SEMA6D: variants seen among roughly 807,000 people sequenced by gnomAD.
SEMA6D encodes the protein semaphorin-6D.
SEMA6D carries 35 observed loss-of-function variants against 106.6 expected under a neutral mutation model. The observed-to-expected ratio is 0.33, with a 90% CI of 0.25 to 0.44. The LOEUF (loss-of-function observed/expected upper bound fraction) is 0.44, where lower values mean the gene tolerates loss of function less well. SEMA6D is among the 20% of genes least tolerant of loss of function. The pLI is 1.00. For synonymous variants in SEMA6D, 499 were observed against 487.7 expected (o/e 1.02, Z -0.31); for missense variants, 1,185 against 1,345.9 (o/e 0.88, Z 1.87).
chr15:47,279,413 A>C (rs1595617134), intron 1 of SEMA6D, among the ~76,000 whole-genome samples: 1 of 143,204 alleles, frequency 7.0e-6, no homozygotes. Context: ...TTATCAGCTT[A>C]AGGAGATTTT....
intron 4 of SEMA6D, among the ~76,000 whole-genome samples, chr15:47,688,882 G>A (rs2078526688): frequency 1.3e-5 from 2 of 152,154 alleles, no homozygotes; most frequent in South Asian, 4.1e-4. Context: ...TTGGTTGGAT[G>A]AAAGGACTGT....
intron 1 of SEMA6D, among the ~76,000 whole-genome samples, chr15:47,269,372 A>G (rs78945642): frequency 0.017 from 2,593 of 152,158 alleles, 48 homozygotes; most frequent in African/African-American, 0.02. Context: ...CATTAAAAAA[A>G]AAAGAATTAT....
chr15:47,221,178 A>T (rs970656265), intron 1 of SEMA6D, among the ~76,000 whole-genome samples: 7 of 152,182 alleles, frequency 4.6e-5, no homozygotes, highest in African/African-American at 1.7e-4. Context: ...TGTAGAAGAT[A>T]AAAGAACAGG....
intron 1 of SEMA6D, among the ~76,000 whole-genome samples, chr15:47,234,031 T>C (rs1251482403): frequency 6.6e-6 from 1 of 151,992 alleles, no homozygotes; most frequent in Non-Finnish European, 1.5e-5. Flanking sequence ...TATTCTAATG[T>C]CTGCTGCCTG....
At chr15:47,239,230 T>A (rs57559162) in intron 1 of SEMA6D, among the ~76,000 whole-genome samples, 1 of 152,164 alleles carries the variant, frequency 6.6e-6, no homozygotes, top group Admixed American at 6.5e-5. Flanking sequence ...GATCTGTCAC[T>A]GTCTCCTGTC....
intron 6 of SEMA6D, 60 bp downstream of exon 6, chr15:47,761,491 C>A: frequency 1.4e-6 from 2 of 1,387,722 alleles, no homozygotes; most frequent in Non-Finnish European, 2.0e-6. Context: ...CACTGATATG[C>A]TGTTAGAGTT....
chr15:47,292,112 G>A (rs1485395226), intron 1 of SEMA6D, among the ~76,000 whole-genome samples: 1 of 152,172 alleles, frequency 6.6e-6, no homozygotes, highest in African/African-American at 2.4e-5. Flanking sequence ...ATAAATGTGT[G>A]AATAGAATAT....
intron 1 of SEMA6D, among the ~76,000 whole-genome samples, chr15:47,408,902 G>T (rs1457351714): frequency 6.6e-6 from 1 of 152,204 alleles, no homozygotes; most frequent in Non-Finnish European, 1.5e-5. Flanking sequence ...AGCAGAGCTT[G>T]CAGGAGGCTA....
At chr15:47,765,363 C>T in intron 13 of SEMA6D, 2 of 1,149,128 alleles carry the variant, frequency 1.7e-6, no homozygotes, top group Non-Finnish European at 2.1e-6. Flanking sequence ...ATGCAGCAGA[C>T]AGCTGTGAGC....
At chr15:47,765,225 C>G in intron 13 of SEMA6D, 169 bp downstream of exon 13, 1 of 1,403,932 alleles carries the variant, frequency 7.1e-7, no homozygotes, top group Non-Finnish European at 9.2e-7. Flanking sequence ...TTTCCCGAGC[C>G]TGCTAGGGCG....
chr15:47,613,682 G>A (rs570503056), intron 4 of SEMA6D, among the ~76,000 whole-genome samples: 5 of 151,792 alleles, frequency 3.3e-5, no homozygotes, highest in African/African-American at 1.2e-4. Flanking sequence ...GTCTCACTCT[G>A]TCACCCAGGC....
chr15:47,531,145 A>T (rs2044946846), intron 3 of SEMA6D, among the ~76,000 whole-genome samples: 1 of 152,236 alleles, frequency 6.6e-6, no homozygotes, highest in Admixed American at 6.5e-5. Flanking sequence ...GGTCAAAGAC[A>T]TATATCTTTA....
At chr15:47,314,323 G>A (rs913597231) in intron 1 of SEMA6D, among the ~76,000 whole-genome samples, 2 of 152,004 alleles carry the variant, frequency 1.3e-5, no homozygotes, top group African/African-American at 2.4e-5. Flanking sequence ...TGTAGACCGG[G>A]CGCGGTGGCT....
rs918758414 is a variant in SEMA6D, at chr15:47,387,290, G to A, written c.-238-25103G>A. On this transcript the variant is annotated intron_variant, in intron 1 of 19. Coordinates refer to the SEMA6D transcript ENST00000558014. ...GTTATTCCATTTTACTGATATTAAG[G>A]TTGAGGTGCATTAAAGTTGTAATTT... 2.6e-5 allele frequency among the ~76,000 whole-genome samples: 4 copies of A among 152,150 alleles called. No homozygotes were observed. In the East Asian group the frequency reaches 7.7e-4, roughly 29 times the overall value.
At chr15:47,362,348 C>A (rs1192566344) in intron 1 of SEMA6D, among the ~76,000 whole-genome samples, 1 of 152,168 alleles carries the variant, frequency 6.6e-6, no homozygotes, top group Non-Finnish European at 1.5e-5. Flanking sequence ...ATAGAGCCTC[C>A]TGATTCCATA....
At chr15:47,493,257 T>G (rs1426985420) in intron 3 of SEMA6D, among the ~76,000 whole-genome samples, 1 of 152,220 alleles carries the variant, frequency 6.6e-6, no homozygotes, top group African/African-American at 2.4e-5. Context: ...GATATTCACA[T>G]AGGGAAAACT....
intron 3 of SEMA6D, among the ~76,000 whole-genome samples, chr15:47,507,988 A>C (rs1361079557): frequency 6.6e-6 from 1 of 152,228 alleles, no homozygotes; most frequent in Admixed American, 6.5e-5. Context: ...GGAAAATGTA[A>C]AGAGATTTAA....
intron 4 of SEMA6D, among the ~76,000 whole-genome samples, chr15:47,655,785 T>G (rs920310723): frequency 3.9e-5 from 6 of 152,244 alleles, no homozygotes; most frequent in Admixed American, 3.9e-4. Flanking sequence ...TAATCCTCAT[T>G]ATTCACGGAT....
At chr15:47,482,454 G>A (rs1272233931) in intron 3 of SEMA6D, among the ~76,000 whole-genome samples, 2 of 151,988 alleles carry the variant, frequency 1.3e-5, no homozygotes, top group African/African-American at 2.4e-5. Flanking sequence ...AGTCCTCTGG[G>A]TACCCTTTAC....
Sources: gnomAD v4.1 joint callset for allele counts (sites outside exome capture counted in the v4.1 genomes callset) on GRCh38, gnomAD v4.1.1 for gene constraint, MANE v1.5 for transcripts, NCBI Gene and HGNC (gene_info 2026-07-23, HGNC 2026-07-21) for gene names.